Variants in SMAP1 observed in about 807,000 individuals in gnomAD.
The protein encoded by SMAP1 is stromal membrane-associated protein 1.
SMAP1 carries 24 observed loss-of-function variants against 58.5 expected under a neutral mutation model. The ratio of observed to expected loss-of-function variants is 0.41; its 90% CI spans 0.30 to 0.58. SMAP1 has a LOEUF of 0.58. Among genes scored for constraint, SMAP1 ranks in the 20% least tolerant of loss-of-function variants. The pLI is 0.29. For synonymous variants in SMAP1, 216 were observed against 196.6 expected, an observed-to-expected ratio of 1.10 and a Z score of -0.82; for missense variants, 563 against 566.3, an observed-to-expected ratio of 0.99 and a Z score of 0.06.
At position 70,699,736 on chromosome 6, in the gene SMAP1, G is replaced by A. The variant is rs768449363; in HGVS notation, c.118+31595G>A. 2.6e-5 allele frequency among the ~76,000 whole-genome samples: 4 copies of A among 151,558 alleles called. No individual in the cohort carries two copies. In the South Asian group the frequency reaches 6.2e-4, roughly 24 times the overall value. ...CACTGCTGATGTTAACGTAAGGTCC[G>A]AGGGCTCTTCAGTGAGTTTGTAGTA... On this transcript the variant is annotated intron_variant, in intron 1 of 10. Transcript: ENST00000370455.
chr6:70,857,127 G>C (rs746212722), intron 9 of SMAP1, 97 bp downstream of exon 9: 2 of 1,224,520 alleles, frequency 1.6e-6, no homozygotes, highest in Non-Finnish European at 2.2e-6. Context: ...ATTGTTCCAT[G>C]TAGTGAGTGC....
intron 1 of SMAP1, among the ~76,000 whole-genome samples, chr6:70,727,020 G>A (rs1415055082): frequency 6.7e-6 from 1 of 149,644 alleles, no homozygotes; most frequent in African/African-American, 2.5e-5. Flanking sequence ...CTTCAAGATG[G>A]GGGGGGCACT....
intron 1 of SMAP1, among the ~76,000 whole-genome samples, chr6:70,674,939 C>A (rs1254616120): frequency 6.6e-6 from 1 of 152,166 alleles, no homozygotes; most frequent in Admixed American, 6.5e-5. Context: ...GGCGCCACTG[C>A]ACTCCATCCA....
At chr6:70,852,485 G>A in intron 7 of SMAP1, 55 bp from the exon 8 acceptor site, 1 of 1,395,514 alleles carries the variant, frequency 7.2e-7, no homozygotes, top group Non-Finnish European at 9.4e-7. Context: ...ATAATGCCAT[G>A]TTTCAAGTAA....
At chr6:70,860,095 G>T in intron 10 of SMAP1, 105 bp from the exon 11 acceptor site, 1 of 1,289,812 alleles carries the variant, frequency 7.8e-7, no homozygotes, top group Non-Finnish European at 1.1e-6. Flanking sequence ...CCAGTGCTTG[G>T]ACTAGTTGTC....
intron 8 of SMAP1, among the ~76,000 whole-genome samples, chr6:70,855,772 C>T (rs1338131311): frequency 6.6e-5 from 10 of 152,162 alleles, no homozygotes; most frequent in African/African-American, 2.4e-4. Flanking sequence ...GCTCTTAGCT[C>T]TATGATCTGC....
At chr6:70,803,195 A>G (rs953235397) in intron 6 of SMAP1, among the ~76,000 whole-genome samples, 58 of 152,196 alleles carry the variant, frequency 3.8e-4, no homozygotes, top group Admixed American at 2.6e-4. Context: ...TTATTGGTCT[A>G]TTCAGAGATT....
At chr6:70,783,306 C>A (rs1767844535) in intron 4 of SMAP1, among the ~76,000 whole-genome samples, 1 of 152,148 alleles carries the variant, frequency 6.6e-6, no homozygotes, top group Admixed American at 6.5e-5. Flanking sequence ...ATCTGTACGT[C>A]ACCATCATCA....
chr6:70,772,215 C>T (rs1055047511), intron 3 of SMAP1, among the ~76,000 whole-genome samples: 7 of 152,130 alleles, frequency 4.6e-5, no homozygotes, highest in Non-Finnish European at 7.4e-5. Flanking sequence ...TCATCAGTGT[C>T]GTAAGAAAAC....
chr6:70,786,520 G>C (rs1386608170), intron 4 of SMAP1, among the ~76,000 whole-genome samples: 2 of 147,042 alleles, frequency 1.4e-5, no homozygotes, highest in Non-Finnish European at 3.0e-5. Flanking sequence ...AATTGTCCCT[G>C]TTTGCAGATG....
intron 6 of SMAP1, among the ~76,000 whole-genome samples, chr6:70,808,720 G>A (rs1294613574): frequency 6.6e-6 from 1 of 152,110 alleles, no homozygotes; most frequent in Admixed American, 6.5e-5. Flanking sequence ...CCTTAAAGGT[G>A]GATTTCAGAT....
chr6:70,765,645 C>A (rs1337544651), intron 3 of SMAP1, among the ~76,000 whole-genome samples: 1 of 152,102 alleles, frequency 6.6e-6, no homozygotes, highest in South Asian at 2.1e-4. Flanking sequence ...GACTTTCTTA[C>A]CACATCATTT....
intron 6 of SMAP1, among the ~76,000 whole-genome samples, chr6:70,811,829 C>T (rs1769401571): frequency 6.6e-6 from 1 of 152,078 alleles, no homozygotes. Flanking sequence ...CAACTGTATC[C>T]AGTAGTCCCT....
chr6:70,695,980 G>C (rs1767385483), intron 1 of SMAP1, among the ~76,000 whole-genome samples: 2 of 152,038 alleles, frequency 1.3e-5, no homozygotes, highest in Non-Finnish European at 2.9e-5. Context: ...TTAGATTTTG[G>C]ATTTCTTTGT....
intron 4 of SMAP1, among the ~76,000 whole-genome samples, chr6:70,784,547 T>G (rs1226739267): frequency 1.3e-5 from 2 of 152,128 alleles, no homozygotes; most frequent in Non-Finnish European, 1.5e-5. Context: ...TGTGCTGTAT[T>G]CAGGAAACCC....
chr6:70,807,068 C>A (rs1224438624), intron 6 of SMAP1, among the ~76,000 whole-genome samples: 1 of 152,196 alleles, frequency 6.6e-6, no homozygotes, highest in African/African-American at 2.4e-5. Context: ...TGTAAAAGAA[C>A]TGTGTTCATA....
intron 6 of SMAP1, among the ~76,000 whole-genome samples, chr6:70,821,270 AT>A (rs1403785878): frequency 1.3e-5 from 2 of 152,018 alleles, no homozygotes; most frequent in African/African-American, 4.8e-5. Flanking sequence ...TGTGAGATTC[AT>A]TTATGTCATT....
intron 6 of SMAP1, among the ~76,000 whole-genome samples, chr6:70,806,732 T>C (rs1039989672): frequency 4.8e-4 from 73 of 152,348 alleles, no homozygotes; most frequent in Non-Finnish European, 1.5e-4. Flanking sequence ...TTAAAGCCAT[T>C]AATATAGTTC....
At chr6:70,853,570 A>G (rs973356185) in intron 8 of SMAP1, among the ~76,000 whole-genome samples, 1 of 152,188 alleles carries the variant, frequency 6.6e-6, no homozygotes, top group African/African-American at 2.4e-5. Context: ...ATTTATTGTT[A>G]TTATGATAGT....
Sources: allele counts gnomAD v4.1 joint callset (sites outside exome capture counted in the v4.1 genomes callset), GRCh38; gene constraint gnomAD v4.1.1; transcripts MANE v1.5; gene names NCBI Gene and HGNC (gene_info 2026-07-23, HGNC 2026-07-21).